The following SAMMSON variants were observed in gnomAD, a reference collection of about 807,000 sequenced individuals.
SAMMSON encodes the protein survival associated mitochondrial melanoma specific oncogenic non-coding RNA, also known as long intergenic non-protein coding RNA 1212.
chr3:70,191,274 A>G (rs575208796), intron 4 of SAMMSON, among the ~76,000 whole-genome samples: 1 of 152,336 alleles, frequency 6.6e-6, no homozygotes, highest in South Asian at 2.1e-4. Context: ...AGAGGTTAGC[A>G]TGACCTTGGA....
intron 9 of SAMMSON, among the ~76,000 whole-genome samples, chr3:70,375,848 ATTTCAT>A (rs1703009972): frequency 6.6e-6 from 1 of 151,990 alleles, no homozygotes; most frequent in South Asian, 2.1e-4. Context: ...CCTCTCAACA[ATTTCAT>A]GTTTTTATTC....
At chr3:70,328,637 A>C (rs1258236767) in intron 7 of SAMMSON, among the ~76,000 whole-genome samples, 1 of 152,208 alleles carries the variant, frequency 6.6e-6, no homozygotes, top group Non-Finnish European at 1.5e-5. Flanking sequence ...CAGATTTTAA[A>C]AATGACTGAA....
At chr3:70,008,326 C>T (rs578110340) in intron 1 of SAMMSON, among the ~76,000 whole-genome samples, 9 of 152,042 alleles carry the variant, frequency 5.9e-5, no homozygotes, top group Non-Finnish European at 8.8e-5. Context: ...TTTCATTGAG[C>T]GGTGGTTTGT....
At chr3:70,300,802 C>T (rs561294859) in intron 7 of SAMMSON, among the ~76,000 whole-genome samples, 27 of 152,034 alleles carry the variant, frequency 1.8e-4, no homozygotes, top group Admixed American at 5.9e-4. Context: ...TTTTAATTAA[C>T]GGATGTCAGC....
rs182512670 is a variant in SAMMSON, at chr3:70,353,521, T to C, written n.740-654T>C. 1.3e-3 allele frequency among the ~76,000 whole-genome samples: 205 copies of C among 152,126 alleles called. 2 individuals carry two copies. Among genetic ancestry groups the C allele is most frequent in the Non-Finnish European group, 7.9e-4 (54 of 67,974 alleles). On this transcript the variant is annotated intron_variant and non_coding_transcript_variant, in intron 7 of 9. Transcript: ENST00000642114. ...AATACCAATTAAAACCACAATGAAA[T>C]ATTACTATACTACATGTCAGAATGG...
intron 7 of SAMMSON, among the ~76,000 whole-genome samples, chr3:70,343,656 T>G (rs981261369): frequency 6.6e-6 from 1 of 152,104 alleles, no homozygotes; most frequent in African/African-American, 2.4e-5. Context: ...TTGTCAAGTT[T>G]CCATTGTAAA....
rs1235619953 is a variant in SAMMSON, at chr3:70,176,504, G to T, written n.508-72603G>T. Among the ~76,000 whole-genome samples the T allele has an allele frequency of 8.5e-5, 13 of 152,166 alleles. No individual in the cohort carries two copies. In the South Asian group the frequency reaches 2.7e-3, roughly 32 times the overall value. On this transcript the variant is annotated intron_variant and non_coding_transcript_variant, in intron 4 of 9. Transcript: ENST00000642114. Reference sequence around the variant, plus strand: ...ATATTCTTTTGTAATGTGAAATTTGGAATTTTCTTTCTTTTCCAATGCCCC... The same window carrying T: ...ATATTCTTTTGTAATGTGAAATTTGTAATTTTCTTTCTTTTCCAATGCCCC...
chr3:70,336,606 G>C (rs1297839026), intron 7 of SAMMSON, among the ~76,000 whole-genome samples: 1 of 151,916 alleles, frequency 6.6e-6, no homozygotes, highest in Non-Finnish European at 1.5e-5. Flanking sequence ...CTACTTATGA[G>C]CAGCTTTTTC....
At chr3:70,335,398 T>C (rs1702653500) in intron 7 of SAMMSON, among the ~76,000 whole-genome samples, 1 of 152,030 alleles carries the variant, frequency 6.6e-6, no homozygotes, top group South Asian at 2.1e-4. Flanking sequence ...GTTTTGTTTC[T>C]TTATAATATA....
At chr3:70,422,725 G>C (rs1407122894) in intron 2 of SAMMSON, among the ~76,000 whole-genome samples, 2 of 151,878 alleles carry the variant, frequency 1.3e-5, no homozygotes, top group Non-Finnish European at 2.9e-5. Context: ...ATACAGTGCA[G>C]AATGTAGTGT....
rs75224121 is a variant in SAMMSON, at chr3:70,155,527, A to G, written n.507+83962A>G. ...ATTTATGTTGAAGAAGCATTAATGC[A>G]AGCTCTTAATAAGATGAAGAATTTA... On this transcript the variant is annotated intron_variant and non_coding_transcript_variant, in intron 4 of 9. Coordinates refer to ENST00000642114, the Ensembl canonical transcript of SAMMSON. Among the ~76,000 whole-genome samples the G allele has an allele frequency of 1.3e-4, 20 of 152,206 alleles. 1 individual carries two copies. The East Asian group carries it at 3.9e-3, about 30-fold the overall frequency.
chr3:70,413,126 G>A (rs1701234917), intron 2 of SAMMSON, among the ~76,000 whole-genome samples: 2 of 152,182 alleles, frequency 1.3e-5, no homozygotes, highest in East Asian at 3.9e-4. Flanking sequence ...CCAAACAAGT[G>A]AAGGAAATGT....
chr3:70,180,003 TA>T (rs1701039686), intron 4 of SAMMSON, among the ~76,000 whole-genome samples: 1 of 25,362 alleles, frequency 3.9e-5, no homozygotes, highest in Non-Finnish European at 7.5e-5. Context: ...CTGTGCTTCG[TA>T]TGTGTGTGTG....
At chr3:70,330,152 G>A (rs182596656) in intron 7 of SAMMSON, among the ~76,000 whole-genome samples, 55 of 151,454 alleles carry the variant, frequency 3.6e-4, no homozygotes, top group Non-Finnish European at 6.5e-4. Context: ...CACCTAATTC[G>A]GAAAAAATAT....
chr3:70,330,304 A>G (rs1702613467), intron 7 of SAMMSON, among the ~76,000 whole-genome samples: 1 of 151,912 alleles, frequency 6.6e-6, no homozygotes, highest in African/African-American at 2.4e-5. Flanking sequence ...TTCAAAACCC[A>G]CATATCTTTT....
chr3:70,007,184 A>G (rs550144100), intron 1 of SAMMSON, among the ~76,000 whole-genome samples: 1 of 152,262 alleles, frequency 6.6e-6, no homozygotes, highest in African/African-American at 2.4e-5. Context: ...TGCTGGGTCA[A>G]ATGGTATTTC....
intron 4 of SAMMSON, among the ~76,000 whole-genome samples, chr3:70,182,645 C>A (rs1701062889): frequency 6.6e-6 from 1 of 152,094 alleles, no homozygotes; most frequent in Non-Finnish European, 1.5e-5. Flanking sequence ...GCGAGGCCCC[C>A]AAATGTGACT....
intron 4 of SAMMSON, among the ~76,000 whole-genome samples, chr3:70,232,728 G>T (rs1466103949): frequency 6.6e-6 from 1 of 152,050 alleles, no homozygotes; most frequent in African/African-American, 2.4e-5. Context: ...CAATAATAAT[G>T]TAAATACGTA....
At chr3:70,016,989 G>A (rs1429762870) in intron 3 of SAMMSON, among the ~76,000 whole-genome samples, 2 of 152,154 alleles carry the variant, frequency 1.3e-5, no homozygotes, top group Non-Finnish European at 2.9e-5. Flanking sequence ...GGTTACTGTA[G>A]CCTTGTAGCA....
Sources: gnomAD v4.1 joint callset for allele counts (sites outside exome capture counted in the v4.1 genomes callset) on GRCh38, gnomAD v4.1.1 for gene constraint, MANE v1.5 for transcripts, NCBI Gene and HGNC (gene_info 2026-07-23, HGNC 2026-07-21) for gene names.